NET1: variants seen among roughly 807,000 people sequenced by gnomAD.
NET1 encodes the protein neuroepithelial cell-transforming gene 1 protein.
A neutral mutation model predicts 61.1 loss-of-function variants in NET1; 42 were observed. The ratio of observed to expected loss-of-function variants is 0.69; its 90% CI spans 0.54 to 0.89. The LOEUF (loss-of-function observed/expected upper bound fraction) is 0.89. Among genes scored for constraint, NET1 ranks in the 40% least tolerant of loss-of-function variants. NET1 has a pLI of 0.00. For synonymous variants in NET1, 254 were observed against 281.8 expected, an observed-to-expected ratio of 0.90 and a Z score of 0.99; for missense variants, 654 against 747.3, an observed-to-expected ratio of 0.88 and a Z score of 1.46.
Position 5,451,464 on chromosome 10 carries a change from C to T in NET1, c.256-366C>T, listed in dbSNP as rs946013637. Among the ~76,000 whole-genome samples the T allele has an allele frequency of 6.6e-6, 1 of 151,254 alleles. No individual in the cohort carries two copies. Among genetic ancestry groups the T allele is most frequent in the East Asian group, 1.9e-4 (1 of 5,174 alleles). On this transcript the variant is annotated intron_variant, in intron 3 of 11. Transcript: ENST00000355029. The surrounding 1 kb of genome is among the most constrained non-coding windows in gnomAD (Gnocchi z 6.1). ...ACATGGGATCCATTATGCCATTCTC[C>T]ACTTTCATGTATGTTCGAAAATTTT...
chr10:5,446,848 G>A lies in NET1; in HGVS notation c.256-4982G>A, dbSNP rs34821922. On this transcript the variant is annotated intron_variant, in intron 3 of 11. Coordinates refer to ENST00000355029, the MANE Select transcript of NET1 (RefSeq NM_001047160.3). This position sits in a 1 kb window ranked among gnomAD's most constrained non-coding sequence, Gnocchi z 5.0. ...CTAGATGTCAATAACCAGTCCTTCA[G>A]AGAACAAGAGGTAAGACTTTAAGAG... is the stretch of plus-strand genomic sequence containing the variant. The A allele has an allele frequency of 7.5e-6, 12 of 1,608,432 alleles. No individual in the cohort carries two copies. In the African/African-American group the frequency reaches 1.1e-4, roughly 14 times the overall value.
rs1430207507 is a variant in NET1, at chr10:5,417,164, C to T, written c.128+4344C>T. 6.6e-6 allele frequency among the ~76,000 whole-genome samples: 1 copy of T among 152,120 alleles called. No homozygotes were observed. The highest frequency in any genetic ancestry group is 1.5e-5 in the Non-Finnish European group (1 of 68,028). ...TGCGAATCGATGGCCTGCCAGCTGGCCTGCCAGCGTGCTGGTGTACTCCCA... is the reference window on the plus strand; with the variant it reads ...TGCGAATCGATGGCCTGCCAGCTGGTCTGCCAGCGTGCTGGTGTACTCCCA... On this transcript the variant is annotated intron_variant, in intron 1 of 11. Transcript: ENST00000355029. The surrounding 1 kb of genome is among the most constrained non-coding windows in gnomAD (Gnocchi z 5.5).
Position 5,412,840 on chromosome 10 carries a change from G to A in NET1, c.128+20G>A. On this transcript the variant is annotated intron_variant, in intron 1 of 11. Transcript: ENST00000355029. The surrounding 1 kb of genome is among the most constrained non-coding windows in gnomAD (Gnocchi z 6.5). ...CGGGAGGTGAGTGTGGGGGAGGGGA[G>A]GGCCGAACGGGAGGTGAGTGTAGGG... 7.4e-7 allele frequency: 1 copy of A among 1,347,766 alleles called. No individual in the cohort carries two copies. The highest frequency in any genetic ancestry group is 1.5e-5 in the African/African-American group (1 of 64,802). 83.5% of individuals were successfully genotyped at this position (1,347,766 alleles called of 1,614,324 possible). A position where few individuals can be genotyped will look rare whatever the true frequency, so the allele number is the denominator to read the frequency against.
rs1286935618 is a variant in NET1, at chr10:5,455,783, G to C, written c.1198-304G>C. On this transcript the variant is annotated intron_variant, in intron 10 of 11. Transcript: ENST00000355029. This position sits in a 1 kb window ranked among gnomAD's most constrained non-coding sequence, Gnocchi z 6.5. ...TAGAAAACTGTGGTATACAACGCTA[G>C]TGTTTCAAGTCATGTTGCTACTAAT... is the stretch of plus-strand genomic sequence containing the variant. 2.6e-5 allele frequency among the ~76,000 whole-genome samples: 4 copies of C among 152,208 alleles called. No homozygotes were observed. The highest frequency in any genetic ancestry group is 9.6e-5 in the African/African-American group (4 of 41,452).
rs1832703424 is a variant in NET1, at chr10:5,451,519, A to AG, written c.256-311_256-310insG. Among the ~76,000 whole-genome samples the AG allele has an allele frequency of 6.6e-6, 1 of 151,826 alleles. No individual in the cohort carries two copies. Among genetic ancestry groups the AG allele is most frequent in the South Asian group, 2.1e-4 (1 of 4,804 alleles). Reference sequence around the variant, plus strand: ...ACAATAAGGCTTTTTTTTAAAAAAAAAAAAAGTTATTCCCTGCATTAAACT... The same window carrying AG: ...ACAATAAGGCTTTTTTTTAAAAAAAAGAAAAAGTTATTCCCTGCATTAAACT... On this transcript the variant is annotated intron_variant, in intron 3 of 11. Transcript: ENST00000355029. This position sits in a 1 kb window ranked among gnomAD's most constrained non-coding sequence, Gnocchi z 6.1.
Position 5,437,446 on chromosome 10 carries a change from ATTTT to A in NET1, c.255+8221_255+8224del, listed in dbSNP as rs1832454869. ...GAATGGCTATTTTTGTATATTTCTA[ATTTT>A]TTTCATATTAAAAACAGTGCTGTAC... On this transcript the variant is annotated intron_variant, in intron 3 of 11. Coordinates refer to ENST00000355029, the MANE Select transcript of NET1 (RefSeq NM_001047160.3). This position sits in a 1 kb window ranked among gnomAD's most constrained non-coding sequence, Gnocchi z 4.3. Among the ~76,000 whole-genome samples, 1 of 151,820 alleles carries A rather than the reference ATTTT, an allele frequency of 6.6e-6. No homozygotes were observed. The highest frequency in any genetic ancestry group is 1.5e-5 in the Non-Finnish European group (1 of 67,938).
In NET1 at chr10:5,456,644, C is replaced by G. The variant is rs1405583239; in HGVS notation, c.1441C>G (p.Leu481Val). The G allele has an allele frequency of 6.2e-7, 1 of 1,611,818 alleles. No homozygotes were observed. Among genetic ancestry groups the G allele is most frequent in the Admixed American group, 1.7e-5 (1 of 59,700 alleles). The part of the protein sequence containing the change: ...HDPSPAQSHT[L>V]QANDVFHKQQ... ...CCCCTCTCCAGCCCAGTCTCACACTCTGCAAGCCAATGACGTGTTCCACAA... is the reference window on the plus strand; with the variant it reads ...CCCCTCTCCAGCCCAGTCTCACACTGTGCAAGCCAATGACGTGTTCCACAA... The change falls in exon 12 of 12, where the codon CTG (leucine) becomes GTG (valine). Residue 481 changes from leucine (L) to valine (V), a missense_variant. Transcript: ENST00000355029. The surrounding 1 kb of genome is among the most constrained non-coding windows in gnomAD (Gnocchi z 7.0).
At chr10:5,418,746 G>T (rs1164656094) in intron 1 of NET1, among the ~76,000 whole-genome samples, 1 of 151,998 alleles carries the variant, frequency 6.6e-6, no homozygotes, top group Non-Finnish European at 1.5e-5. Flanking sequence ...TTTGTTTCCA[G>T]TGTCATGATT....
rs947096142 is a variant in NET1, at chr10:5,449,139, A to G, written c.256-2691A>G. Among the ~76,000 whole-genome samples, 3 of 152,200 alleles carry G rather than the reference A, an allele frequency of 2.0e-5. No individual in the cohort carries two copies. Among genetic ancestry groups the G allele is most frequent in the African/African-American group, 2.4e-5 (1 of 41,448 alleles). Reference sequence around the variant, plus strand: ...ATGTATGAGTCTGTTTTCAAATAGTATATGTATCCTGAAATTAGTAGCAGC... The same window carrying G: ...ATGTATGAGTCTGTTTTCAAATAGTGTATGTATCCTGAAATTAGTAGCAGC... On this transcript the variant is annotated intron_variant, in intron 3 of 11. Coordinates refer to ENST00000355029, the MANE Select transcript of NET1 (RefSeq NM_001047160.3). This position sits in a 1 kb window ranked among gnomAD's most constrained non-coding sequence, Gnocchi z 4.4.
At chr10:5,450,779 G>A (rs1363731817) in intron 3 of NET1, among the ~76,000 whole-genome samples, 1 of 152,172 alleles carries the variant, frequency 6.6e-6, no homozygotes, top group Admixed American at 6.5e-5. Context: ...TTCAGTAACT[G>A]TGTGAGTCAC....
intron 3 of NET1, among the ~76,000 whole-genome samples, chr10:5,442,430 T>G (rs117492098): frequency 0.011 from 1,559 of 139,286 alleles, 61 homozygotes; most frequent in Admixed American, 0.087. Flanking sequence ...AGTTTTTCAC[T>G]TGAAAGGGGA....
At chr10:5,436,218 G>GCATA (rs1400603494) in intron 3 of NET1, among the ~76,000 whole-genome samples, 4 of 40,518 alleles carry the variant, frequency 9.9e-5, no homozygotes, top group African/African-American at 4.0e-4. Flanking sequence ...GTGTGTGTGT[G>GCATA]TGTGTGCATA....
rs968666457 is a variant in NET1 at position 5,449,748 on chromosome 10, A to C, written c.256-2082A>C. Among the ~76,000 whole-genome samples, 81 of 152,374 alleles carry C rather than the reference A, an allele frequency of 5.3e-4. No homozygotes were observed. The highest frequency in any genetic ancestry group is 1.9e-3 in the African/African-American group (80 of 41,598). The stretch of plus-strand genomic sequence containing the variant: ...TTTGATTTTATGTGATAAAATAGAT[A>C]TCAAAAATTTATTTCCTGCTAACAA... On this transcript the variant is annotated intron_variant, in intron 3 of 11. Coordinates refer to ENST00000355029, the MANE Select transcript of NET1 (RefSeq NM_001047160.3). The surrounding 1 kb of genome is among the most constrained non-coding windows in gnomAD (Gnocchi z 4.4).
Position 5,452,528 on chromosome 10 carries a change from A to G in NET1, c.531+3A>G, listed in dbSNP as rs992048897. 6.2e-7 allele frequency: 1 copy of G among 1,608,302 alleles called. No individual in the cohort carries two copies. The highest frequency in any genetic ancestry group is 1.7e-5 in the Admixed American group (1 of 59,018). ...CCAGGGAGATCAGACGGCAGGAGGT[A>G]TGCTGGCACTCAGTGTACATGTTTT... On this transcript the variant is annotated splice_donor_region_variant and intron_variant, in intron 5 of 11. Transcript: ENST00000355029. This position sits in a 1 kb window ranked among gnomAD's most constrained non-coding sequence, Gnocchi z 4.0.
In NET1 at chr10:5,424,319, C is replaced by T. The variant is rs1832224643; in HGVS notation, c.129-2336C>T. ...GCTAACCATGTAGCATACAGTAGCA[C>T]CTAATACACTAAGAGTATTAATTCC... On this transcript the variant is annotated intron_variant, in intron 1 of 11. Coordinates refer to ENST00000355029, the MANE Select transcript of NET1 (RefSeq NM_001047160.3). This position sits in a 1 kb window ranked among gnomAD's most constrained non-coding sequence, Gnocchi z 6.1. Among the ~76,000 whole-genome samples the T allele has an allele frequency of 6.6e-6, 1 of 152,122 alleles. No homozygotes were observed. Among genetic ancestry groups the T allele is most frequent in the African/African-American group, 2.4e-5 (1 of 41,410 alleles).
chr10:5,428,502 A>AAAG (rs1832296222), intron 2 of NET1, among the ~76,000 whole-genome samples: 1 of 151,550 alleles, frequency 6.6e-6, no homozygotes, highest in Non-Finnish European at 1.5e-5. Context: ...TCCTTTTCAA[A>AAAG]AAAAAAAAAC....
rs1832830842 is a variant in NET1 at position 5,457,747 on chromosome 10, T to A, written c.*753T>A. On this transcript the variant is annotated 3_prime_UTR_variant, in exon 12 of 12. Coordinates refer to ENST00000355029, the MANE Select transcript of NET1 (RefSeq NM_001047160.3). This position sits in a 1 kb window ranked among gnomAD's most constrained non-coding sequence, Gnocchi z 5.4. ...GTGTGTGTATATATATATATATTTTTAAATCACATTAATTTTACCAAGTGA... is the reference window on the plus strand; with the variant it reads ...GTGTGTGTATATATATATATATTTTAAAATCACATTAATTTTACCAAGTGA... The A allele has an allele frequency of 6.6e-6, 1 of 152,452 alleles. No homozygotes were observed. Among genetic ancestry groups the A allele is most frequent in the Non-Finnish European group, 1.5e-5 (1 of 67,990 alleles). 9.4% of individuals were successfully genotyped at this position (152,452 alleles called of 1,614,324 possible). A position where few individuals can be genotyped will look rare whatever the true frequency, so the allele number is the denominator to read the frequency against.
chr10:5,438,345 G>A (rs1386108322), intron 3 of NET1, among the ~76,000 whole-genome samples: 1 of 151,908 alleles, frequency 6.6e-6, no homozygotes, highest in East Asian at 1.9e-4. Flanking sequence ...AAACCTTTAG[G>A]TAGACTAAGA....
Position 5,426,813 on chromosome 10 carries a change from C to T in NET1, c.195+92C>T, listed in dbSNP as rs567382001. ...CTGTTACACAGATCAGTGGTCCTTA[C>T]TTCTGAGGGTCTTGAGGAACAGAAT... On this transcript the variant is annotated intron_variant, in intron 2 of 11. Transcript: ENST00000355029. The surrounding 1 kb of genome is among the most constrained non-coding windows in gnomAD (Gnocchi z 4.6). 8.8e-6 allele frequency: 7 copies of T among 795,078 alleles called. No homozygotes were observed. The South Asian group carries it at 1.1e-4, about 13-fold the overall frequency. 49.3% of individuals were successfully genotyped at this position (795,078 alleles called of 1,614,324 possible). A position where few individuals can be genotyped will look rare whatever the true frequency, so the allele number is the denominator to read the frequency against.
Sources: gnomAD v4.1 joint callset for allele counts (sites outside exome capture counted in the v4.1 genomes callset) on GRCh38, gnomAD v4.1.1 for gene constraint, Gnocchi (gnomAD v3.1) non-coding constraint, MANE v1.5 for transcripts, NCBI Gene and HGNC (gene_info 2026-07-23, HGNC 2026-07-21) for gene names.